Variants in DCC observed in about 807,000 individuals in gnomAD.
DCC encodes DCC netrin 1 receptor.
DCC carries 58 observed loss-of-function variants against 172.5 expected under a neutral mutation model. The ratio of observed to expected loss-of-function variants is 0.34; its 90% CI spans 0.27 to 0.42. The LOEUF is 0.42. DCC is among the 10% of genes least tolerant of loss of function. DCC has a pLI of 1.00. For missense variants in DCC, 1,740 were observed against 1,791.0 expected (o/e 0.97, Z 0.51); for synonymous variants, 709 against 644.5 (o/e 1.10, Z -1.52).
At chr18:53,170,885 GTTGT>G (rs1444527606) in intron 8 of DCC, among the ~76,000 whole-genome samples, 1 of 151,970 alleles carries the variant, frequency 6.6e-6, no homozygotes, top group Admixed American at 6.6e-5. Context: ...TTTTGTTGTT[GTTGT>G]TTGTTTGTTT....
At chr18:52,897,566 T>C (rs931204006) in intron 2 of DCC, among the ~76,000 whole-genome samples, 8 of 152,236 alleles carry the variant, frequency 5.3e-5, no homozygotes, top group Non-Finnish European at 1.0e-4. Flanking sequence ...AATGTAGAAA[T>C]ACTTTTCAAG....
chr18:53,025,579 T>C (rs2041944114), intron 5 of DCC, among the ~76,000 whole-genome samples: 2 of 152,096 alleles, frequency 1.3e-5, no homozygotes, highest in Non-Finnish European at 2.9e-5. Context: ...TATTATAGCA[T>C]CACTATTCCA....
chr18:53,041,025 G>A (rs997225807), intron 5 of DCC, among the ~76,000 whole-genome samples: 11 of 152,136 alleles, frequency 7.2e-5, no homozygotes, highest in Admixed American at 3.3e-4. Flanking sequence ...CTGTGCAGAA[G>A]CTCTTTAGTT....
chr18:53,100,119 G>A (rs534087954), intron 7 of DCC, among the ~76,000 whole-genome samples: 53 of 151,498 alleles, frequency 3.5e-4, no homozygotes, highest in South Asian at 6.2e-4. Flanking sequence ...GTTAATTTTT[G>A]TATTATTAGT....
intron 1 of DCC, among the ~76,000 whole-genome samples, chr18:52,388,501 G>A (rs916055680): frequency 2.0e-5 from 3 of 149,570 alleles, no homozygotes; most frequent in Non-Finnish European, 4.4e-5. Context: ...TCCTTTATAA[G>A]TGCCACTTTT....
chr18:52,906,070 G>A lies in DCC; in HGVS notation c.439G>A (p.Glu147Lys), dbSNP rs2039877158. The change falls in exon 3 of 29, where the codon GAA becomes AAA. Residue 147 changes from glutamate to lysine, a missense_variant. Transcript: ENST00000442544. ...AGPLRFLSQT[E>K]SVTAFMGDTV... ...ACCACTGAGGTTCCTTTCACAGACA[G>A]AATCTGTCACAGCCTTCATGGGAGA... is the stretch of plus-strand genomic sequence containing the variant. The A allele has an allele frequency of 5.6e-6, 9 of 1,612,552 alleles. No individual in the cohort carries two copies. The highest frequency in any genetic ancestry group is 7.6e-6 in the Non-Finnish European group (9 of 1,178,676).
At chr18:53,100,490 A>T (rs933414688) in intron 7 of DCC, among the ~76,000 whole-genome samples, 8 of 152,084 alleles carry the variant, frequency 5.3e-5, no homozygotes, top group Non-Finnish European at 1.0e-4. Flanking sequence ...CAGAGAAAAG[A>T]GAGAGACAGA....
rs774517981 is a variant in DCC at position 52,752,231 on chromosome 18, A to G, written c.269A>G (p.Gln90Arg). The change falls in exon 2 of 29, where the codon CAG (glutamine) becomes CGG (arginine). Residue 90 changes from glutamine (Q) to arginine (R), a missense_variant. Coordinates refer to ENST00000442544, the MANE Select transcript of DCC (RefSeq NM_005215.4). The part of the protein sequence containing the change: ...HLALGMDERK[Q>R]QLSNGSLLIQ... Reference sequence around the variant, plus strand: ...GCCTTGGGAATGGATGAAAGGAAGCAGCAACTTTCAAATGGGTCTCTGCTG... The same window carrying G: ...GCCTTGGGAATGGATGAAAGGAAGCGGCAACTTTCAAATGGGTCTCTGCTG... 6 of 1,614,216 alleles carry G rather than the reference A, an allele frequency of 3.7e-6. No individual in the cohort carries two copies. In the Middle Eastern group the frequency reaches 6.6e-4, roughly 178 times the overall value.
chr18:52,505,760 A>T (rs2031209453), intron 1 of DCC, among the ~76,000 whole-genome samples: 1 of 152,042 alleles, frequency 6.6e-6, no homozygotes, highest in Non-Finnish European at 1.5e-5. Context: ...TTTACTTGAA[A>T]ATTAAAATTG....
intron 1 of DCC, among the ~76,000 whole-genome samples, chr18:52,678,610 A>G (rs944081078): frequency 2.0e-5 from 3 of 152,182 alleles, no homozygotes; most frequent in Non-Finnish European, 4.4e-5. Flanking sequence ...AAAATGCTCT[A>G]AAGCATTAGT....
At chr18:52,796,010 G>T (rs2037868489) in intron 2 of DCC, among the ~76,000 whole-genome samples, 1 of 149,240 alleles carries the variant, frequency 6.7e-6, no homozygotes, top group Non-Finnish European at 1.5e-5. Context: ...TTCAATATAT[G>T]ACCTTGTCTC....
intron 24 of DCC, among the ~76,000 whole-genome samples, chr18:53,467,492 T>C (rs1002207275): frequency 6.6e-6 from 1 of 152,132 alleles, no homozygotes; most frequent in Non-Finnish European, 1.5e-5. Context: ...TAAATTAATA[T>C]AGTGGAATAT....
intron 12 of DCC, among the ~76,000 whole-genome samples, chr18:53,304,216 G>A (rs1191764654): frequency 6.6e-6 from 1 of 152,138 alleles, no homozygotes; most frequent in African/African-American, 2.4e-5. Flanking sequence ...AAACAGGAAT[G>A]ACTGTTCTCA....
chr18:52,957,648 T>G (rs1269759048), intron 5 of DCC, among the ~76,000 whole-genome samples: 1 of 152,146 alleles, frequency 6.6e-6, no homozygotes, highest in Non-Finnish European at 1.5e-5. Flanking sequence ...AGAGGAAGGC[T>G]CTCTCACTCC....
At chr18:53,100,097 C>T (rs755259806) in intron 7 of DCC, among the ~76,000 whole-genome samples, 12 of 151,940 alleles carry the variant, frequency 7.9e-5, no homozygotes, top group African/African-American at 2.9e-4. Flanking sequence ...TAGGCAGGCA[C>T]CACCACGCCT....
intron 25 of DCC, among the ~76,000 whole-genome samples, chr18:53,478,558 A>G (rs914002784): frequency 2.6e-5 from 4 of 152,150 alleles, no homozygotes; most frequent in Non-Finnish European, 5.9e-5. Flanking sequence ...TATTTGAGGG[A>G]AAAAAAGGAA....
intron 1 of DCC, among the ~76,000 whole-genome samples, chr18:52,448,269 T>C (rs1227218167): frequency 6.6e-6 from 1 of 152,100 alleles, no homozygotes; most frequent in African/African-American, 2.4e-5. Flanking sequence ...AACAGTTTCA[T>C]CCCAAAACCA....
intron 1 of DCC, among the ~76,000 whole-genome samples, chr18:52,561,465 T>C (rs1403714285): frequency 6.6e-6 from 1 of 152,068 alleles, no homozygotes; most frequent in Non-Finnish European, 1.5e-5. Context: ...CATATATATA[T>C]ATATACATAT....
intron 1 of DCC, among the ~76,000 whole-genome samples, chr18:52,607,485 T>C (rs528439167): frequency 7.2e-5 from 11 of 152,292 alleles, no homozygotes; most frequent in African/African-American, 2.4e-4. Flanking sequence ...GCGTACTTTT[T>C]GGCAATAAAA....
Sources: allele counts gnomAD v4.1 joint callset (sites outside exome capture counted in the v4.1 genomes callset), GRCh38; gene constraint gnomAD v4.1.1; transcripts MANE v1.5; gene names NCBI Gene and HGNC (gene_info 2026-07-23, HGNC 2026-07-21).